The following C12orf54 variants were observed in gnomAD, a reference collection of about 807,000 sequenced individuals.
C12orf54 encodes the protein uncharacterized protein C12orf54.
A neutral mutation model predicts 26.4 loss-of-function variants in C12orf54; 24 were observed. That is an observed-to-expected ratio of 0.91 (90% CI 0.66 to 1.28). The LOEUF is 1.28. Ranked by LOEUF, C12orf54 falls within the 50% of genes most tolerant of loss-of-function variation. The pLI is 0.00. For synonymous variants in C12orf54, 54 were observed against 47.0 expected, an observed-to-expected ratio of 1.15 and a Z score of -0.61; for missense variants, 154 against 150.9, an observed-to-expected ratio of 1.02 and a Z score of -0.11.
the C12orf54 span, among the ~76,000 whole-genome samples, chr12:48,475,126 C>A: frequency 6.6e-6 from 1 of 152,194 alleles, no homozygotes; most frequent in Non-Finnish European, 1.5e-5. Context: ...TGCTGAAACC[C>A]AGGCAAACAG....
At chr12:48,431,389 C>T in the C12orf54 span, among the ~76,000 whole-genome samples, 1 of 152,078 alleles carries the variant, frequency 6.6e-6, no homozygotes, top group Non-Finnish European at 1.5e-5. Context: ...GTTAACTTTG[C>T]TGTATGTTGG....
chr12:48,467,447 C>T, the C12orf54 span, among the ~76,000 whole-genome samples: 3 of 152,192 alleles, frequency 2.0e-5, no homozygotes, highest in Non-Finnish European at 4.4e-5. Flanking sequence ...TGGAATACTA[C>T]TCAGCAATGA....
the C12orf54 span, among the ~76,000 whole-genome samples, chr12:48,459,821 T>G: frequency 5.9e-5 from 9 of 152,070 alleles, no homozygotes; most frequent in Non-Finnish European, 7.4e-5. Flanking sequence ...TACTCTTAAT[T>G]CTCCAGGCAG....
At chr12:48,424,188 G>A in the C12orf54 span, among the ~76,000 whole-genome samples, 1 of 151,996 alleles carries the variant, frequency 6.6e-6, no homozygotes, top group East Asian at 1.9e-4. Flanking sequence ...TGCATTCTTG[G>A]AGTAAATCCC....
At chr12:48,443,627 C>T in the C12orf54 span, among the ~76,000 whole-genome samples, 2 of 152,180 alleles carry the variant, frequency 1.3e-5, no homozygotes, top group Admixed American at 6.5e-5. Context: ...CAGTCATAAT[C>T]TCCATGCCCC....
intron 6 of C12orf54, among the ~76,000 whole-genome samples, chr12:48,492,075 G>C (rs977093922): frequency 6.6e-6 from 1 of 152,190 alleles, no homozygotes; most frequent in Non-Finnish European, 1.5e-5. Flanking sequence ...TGGAAGGGGT[G>C]AGGAGCCTTC....
the C12orf54 span, among the ~76,000 whole-genome samples, chr12:48,467,442 T>G: frequency 1.3e-5 from 2 of 152,184 alleles, no homozygotes; most frequent in African/African-American, 4.8e-5. Flanking sequence ...CATGATGGAA[T>G]ACTACTCAGC....
the C12orf54 span, among the ~76,000 whole-genome samples, chr12:48,466,977 A>G: frequency 1.3e-5 from 2 of 152,194 alleles, no homozygotes; most frequent in African/African-American, 4.8e-5. Context: ...GTATATGTAT[A>G]TGTAGTGATG....
At chr12:48,465,184 T>A in the C12orf54 span, among the ~76,000 whole-genome samples, 2 of 152,178 alleles carry the variant, frequency 1.3e-5, no homozygotes, top group African/African-American at 2.4e-5. Flanking sequence ...AAACGTCTAA[T>A]GCAGTATCTG....
At chr12:48,489,667 T>G (rs1488969852) in intron 5 of C12orf54, among the ~76,000 whole-genome samples, 3 of 152,116 alleles carry the variant, frequency 2.0e-5, no homozygotes, top group Non-Finnish European at 4.4e-5. Context: ...TCTGCCAGCC[T>G]TGGCCTCCCA....
chr12:48,447,600 C>T, the C12orf54 span, among the ~76,000 whole-genome samples: 6 of 152,002 alleles, frequency 3.9e-5, no homozygotes, highest in Non-Finnish European at 7.4e-5. Flanking sequence ...TAATCTATTC[C>T]TCCCTATCCA....
the C12orf54 span, among the ~76,000 whole-genome samples, chr12:48,431,049 G>T: frequency 6.6e-6 from 1 of 152,140 alleles, no homozygotes; most frequent in Non-Finnish European, 1.5e-5. Flanking sequence ...TCTCAGCAAT[G>T]GAAAACCAAA....
At chr12:48,422,026 G>A in the C12orf54 span, among the ~76,000 whole-genome samples, 1 of 151,996 alleles carries the variant, frequency 6.6e-6, no homozygotes, top group Non-Finnish European at 1.5e-5. Flanking sequence ...TAATGCGGAT[G>A]GTGTATCTAT....
the C12orf54 span, among the ~76,000 whole-genome samples, chr12:48,444,349 G>A: frequency 5.4e-4 from 82 of 152,268 alleles, no homozygotes; most frequent in African/African-American, 1.4e-3. Flanking sequence ...ACACAGAACC[G>A]CATCACTCAT....
chr12:48,454,331 C>T, the C12orf54 span, among the ~76,000 whole-genome samples: 9 of 152,204 alleles, frequency 5.9e-5, no homozygotes, highest in East Asian at 1.9e-4. Flanking sequence ...CATCTCCTGA[C>T]GTCGTGATCT....
chr12:48,481,098 GCTCA>G (rs1288140845), upstream of C12orf54, among the ~76,000 whole-genome samples: 34 of 152,214 alleles, frequency 2.2e-4, 1 homozygote, highest in Admixed American at 1.2e-3. Flanking sequence ...TGGGTACTAT[GCTCA>G]CTGTCTGGGT....
chr12:48,488,641 A>G lies in C12orf54; in HGVS notation c.136-283A>G, dbSNP rs187356941. On this transcript the variant is annotated intron_variant, in intron 4 of 8. Coordinates refer to ENST00000548364, the MANE Select transcript of C12orf54 (RefSeq NM_152319.4). ...ACCAATTAGACCGAAAATAAATATA[A>G]TAGTAGGTTTCATTATACATTCAAT... The G allele has an allele frequency of 9.5e-4, 429 of 453,100 alleles. 2 individuals carry two copies. The highest frequency in any genetic ancestry group is 7.8e-3 in the African/African-American group (391 of 50,292). The allele number at this position is 453,100 out of a possible 1,614,324, so 28.1% of individuals were successfully genotyped here. A position where few individuals can be genotyped will look rare whatever the true frequency, so the allele number is the denominator to read the frequency against.
chr12:48,459,828 G>A, the C12orf54 span, among the ~76,000 whole-genome samples: 10 of 152,278 alleles, frequency 6.6e-5, no homozygotes, highest in East Asian at 1.9e-3. Context: ...AATTCTCCAG[G>A]CAGTGATGTG....
chr12:48,474,580 A>C, the C12orf54 span, among the ~76,000 whole-genome samples: 1 of 152,202 alleles, frequency 6.6e-6, no homozygotes, highest in African/African-American at 2.4e-5. Context: ...AAAAAAGCAC[A>C]CCAGGAGATT....
Sources: gnomAD v4.1 joint callset for allele counts (sites outside exome capture counted in the v4.1 genomes callset) on GRCh38, gnomAD v4.1.1 for gene constraint, MANE v1.5 for transcripts, NCBI Gene and HGNC (gene_info 2026-07-23, HGNC 2026-07-21) for gene names.